KDM4A: variants seen among roughly 807,000 people sequenced by gnomAD.
The protein encoded by KDM4A is lysine demethylase 4A, also known as lysine-specific demethylase 4A.
In KDM4A, 23 loss-of-function variants were observed where a neutral mutation model predicts 127.1. The ratio of observed to expected loss-of-function variants is 0.18; its 90% CI spans 0.13 to 0.26. The LOEUF (loss-of-function observed/expected upper bound fraction) is 0.26. KDM4A is among the 10% of genes least tolerant of loss of function. The pLI, the probability that KDM4A is intolerant of heterozygous loss-of-function variation, is 1.00. For missense variants in KDM4A, 890 were observed against 1,329.1 expected (o/e 0.67, Z 5.14); for synonymous variants, 443 against 466.5 (o/e 0.95, Z 0.65).
chr1:43,675,916 T>C (rs993847815), intron 11 of KDM4A, among the ~76,000 whole-genome samples: 8 of 150,942 alleles, frequency 5.3e-5, no homozygotes, highest in South Asian at 2.1e-4. Context: ...CTACTAAAAA[T>C]AGAAAAATTA....
In KDM4A at chr1:43,651,569, T is replaced by C. The variant is rs556332528; in HGVS notation, c.-40+1317T>C. ...ATTTCTGGTGGATTGGAGGCGCTTT[T>C]CTCCTTTCTGAGCTCTCCAACTCTC... On this transcript the variant is annotated intron_variant, in intron 1 of 21. Coordinates refer to ENST00000372396, the MANE Select transcript of KDM4A (RefSeq NM_014663.3). Among the ~76,000 whole-genome samples, 516 of 152,284 alleles carry C rather than the reference T, an allele frequency of 3.4e-3. 5 individuals carry two copies. The highest frequency in any genetic ancestry group is 0.012 in the African/African-American group (495 of 41,564).
At chr1:43,654,382 G>T (rs983193811) in intron 2 of KDM4A, among the ~76,000 whole-genome samples, 2 of 151,974 alleles carry the variant, frequency 1.3e-5, no homozygotes, top group East Asian at 3.8e-4. Context: ...ATATAAAATA[G>T]TGTTATTTGT....
chr1:43,670,109 C>T (rs1351809751), intron 10 of KDM4A, among the ~76,000 whole-genome samples: 1 of 152,132 alleles, frequency 6.6e-6, no homozygotes, highest in Non-Finnish European at 1.5e-5. Flanking sequence ...TTCATTTGCT[C>T]ACTTGGAAGC....
rs181487236 is a variant in KDM4A at position 43,676,865 on chromosome 1, T to C, written c.1734+4990T>C. Among the ~76,000 whole-genome samples, 71 of 152,312 alleles carry C rather than the reference T, an allele frequency of 4.7e-4. No individual in the cohort carries two copies. In the East Asian group the frequency reaches 0.013, roughly 28 times the overall value. On this transcript the variant is annotated intron_variant, in intron 11 of 21. Coordinates refer to ENST00000372396, the MANE Select transcript of KDM4A (RefSeq NM_014663.3). ...TGCTAGAAACATTCAAATTATTCTATTTTGAAATGTACAATAGATTATTGT... is the reference window on the plus strand; with the variant it reads ...TGCTAGAAACATTCAAATTATTCTACTTTGAAATGTACAATAGATTATTGT...
intron 10 of KDM4A, among the ~76,000 whole-genome samples, chr1:43,669,696 T>G (rs1215360629): frequency 6.6e-6 from 1 of 151,472 alleles, no homozygotes; most frequent in East Asian, 1.9e-4. Context: ...TCATGCAGGC[T>G]GGAGTGCAGG....
chr1:43,685,730 T>A (rs947349769), intron 12 of KDM4A, among the ~76,000 whole-genome samples: 7 of 152,106 alleles, frequency 4.6e-5, no homozygotes, highest in African/African-American at 1.7e-4. Context: ...ACCATGCCAC[T>A]GCACTCCAGC....
chr1:43,658,784 G>T (rs1660306725), intron 3 of KDM4A, among the ~76,000 whole-genome samples: 1 of 152,074 alleles, frequency 6.6e-6, no homozygotes, highest in Non-Finnish European at 1.5e-5. Flanking sequence ...TTACAGGCGT[G>T]AGCCATTGCT....
rs745447679 is a variant in KDM4A at position 43,667,106 on chromosome 1, T to C, written c.915+15T>C. 10 of 1,613,984 alleles carry C rather than the reference T, an allele frequency of 6.2e-6. 1 individual carries two copies. The Middle Eastern group carries it at 6.6e-4, about 106-fold the overall frequency. ...AAGCTGTGCTGGTAAGTCTGCTTGA[T>C]TTCTTTCTATAACACCATGACAAAA... On this transcript the variant is annotated intron_variant, in intron 8 of 21. Coordinates refer to ENST00000372396, the MANE Select transcript of KDM4A (RefSeq NM_014663.3).
intron 1 of KDM4A, among the ~76,000 whole-genome samples, chr1:43,650,863 C>T (rs1660100175): frequency 6.6e-6 from 1 of 152,168 alleles, no homozygotes; most frequent in Non-Finnish European, 1.5e-5. Flanking sequence ...GTTTTGACTT[C>T]GGAGCCGGTG....
chr1:43,690,230 G>A (rs1570865072), intron 13 of KDM4A, among the ~76,000 whole-genome samples: 1 of 152,338 alleles, frequency 6.6e-6, no homozygotes, highest in East Asian at 1.9e-4. Context: ...CCTACTAGGA[G>A]CATCTGCTCT....
rs1660420326 is a variant in KDM4A at position 43,663,057 on chromosome 1, A to G, written c.593A>G (p.Asn198Ser). The G allele has an allele frequency of 1.2e-6, 2 of 1,613,768 alleles. No homozygotes were observed. Among genetic ancestry groups the G allele is most frequent in the East Asian group, 2.2e-5 (1 of 44,894 alleles). ...GAAGACATGGACCTCTACAGCATCA[A>G]CTACCTGCACTTTGGAGAACCAAAG... ...HTEDMDLYSINYLHFGEPKSW... is the reference protein window; with the variant it reads ...HTEDMDLYSISYLHFGEPKSW... Residue 198 changes from asparagine to serine, a missense_variant, in exon 5 of 22, where the codon AAC becomes AGC. Asn to Ser is a conservative substitution (Grantham distance 46). Coordinates refer to ENST00000372396, the MANE Select transcript of KDM4A (RefSeq NM_014663.3).
chr1:43,693,713 C>T lies in KDM4A; in HGVS notation c.2376-281C>T, dbSNP rs907065295. ...CTGAGACCTGCCACACACCATTAGC[C>T]TGCAGCTCTGTTCATTTTTCAACAG... On this transcript the variant is annotated intron_variant, in intron 16 of 21. Transcript: ENST00000372396. This position sits in a 1 kb window ranked among gnomAD's most constrained non-coding sequence, Gnocchi z 4.2. Among the ~76,000 whole-genome samples the T allele has an allele frequency of 6.6e-6, 1 of 152,226 alleles. No homozygotes were observed. Among genetic ancestry groups the T allele is most frequent in the Admixed American group, 6.5e-5 (1 of 15,286 alleles).
At position 43,694,582 on chromosome 1, in the gene KDM4A, G is replaced by A. The variant is rs958686849; in HGVS notation, c.2485-127G>A. On this transcript the variant is annotated intron_variant, in intron 17 of 21. Coordinates refer to ENST00000372396, the MANE Select transcript of KDM4A (RefSeq NM_014663.3). The surrounding 1 kb of genome is among the most constrained non-coding windows in gnomAD (Gnocchi z 5.2). ...AACCAGACCTGGATTAGAGCAGGCT[G>A]GTGTGTCCTTGTATTTTGGGAAGGG... is the stretch of plus-strand genomic sequence containing the variant. 1.4e-5 allele frequency: 10 copies of A among 738,478 alleles called. No homozygotes were observed. The highest frequency in any genetic ancestry group is 2.3e-5 in the Admixed American group (1 of 43,610). 45.7% of individuals were successfully genotyped at this position (738,478 alleles called of 1,614,324 possible). A position where few individuals can be genotyped will look rare whatever the true frequency, so the allele number is the denominator to read the frequency against.
chr1:43,671,120 A>G (rs568086834), intron 10 of KDM4A, among the ~76,000 whole-genome samples: 1 of 152,226 alleles, frequency 6.6e-6, no homozygotes, highest in Non-Finnish European at 1.5e-5. Context: ...CACCCTCTTA[A>G]TATTTTTCAA....
At position 43,655,683 on chromosome 1, in the gene KDM4A, G is replaced by A. The variant is rs1341765535; in HGVS notation, c.231G>A (p.Gly77=). Residue 77 remains glycine (G), a synonymous_variant, in exon 3 of 22, where the codon GGG becomes GGA. Coordinates refer to ENST00000372396, the MANE Select transcript of KDM4A (RefSeq NM_014663.3). ...CCCCCATTCAACAGCTGGTGACGGG[G>A]CAGTCTGGCCTCTTTACTCAGTACA... ...IPAPIQQLVT[G]QSGLFTQYNI... 1 of 1,613,800 alleles carries A rather than the reference G, an allele frequency of 6.2e-7. No homozygotes were observed. Among genetic ancestry groups the A allele is most frequent in the East Asian group, 2.2e-5 (1 of 44,898 alleles).
At chr1:43,695,910 G>A (rs1661229898) in intron 18 of KDM4A, among the ~76,000 whole-genome samples, 1 of 152,158 alleles carries the variant, frequency 6.6e-6, no homozygotes, top group East Asian at 1.9e-4. Context: ...AGATGGGAAG[G>A]ATGCTAATAT....
chr1:43,674,988 C>T (rs925272766), intron 11 of KDM4A, among the ~76,000 whole-genome samples: 1 of 152,130 alleles, frequency 6.6e-6, no homozygotes, highest in South Asian at 2.1e-4. Context: ...GGACTCCTTC[C>T]GTGTGGAAGT....
rs536553689 is a variant in KDM4A at position 43,688,356 on chromosome 1, T to C, written c.1856-558T>C. 3.9e-5 allele frequency among the ~76,000 whole-genome samples: 6 copies of C among 152,168 alleles called. No homozygotes were observed. The highest frequency in any genetic ancestry group is 5.9e-5 in the Non-Finnish European group (4 of 68,002). On this transcript the variant is annotated intron_variant, in intron 12 of 21. Transcript: ENST00000372396. This position sits in a 1 kb window ranked among gnomAD's most constrained non-coding sequence, Gnocchi z 4.4. ...ACATGTAGCTCTGCTCTAGGAGGGG[T>C]TGGGGAGCCTTGTCCAGAATAGGTA...
chr1:43,682,164 T>C (rs972913438), intron 11 of KDM4A, among the ~76,000 whole-genome samples: 5 of 152,284 alleles, frequency 3.3e-5, no homozygotes, highest in Admixed American at 6.5e-5. Context: ...GGTGTTGCCA[T>C]GTTATCTGGG....
Sources: allele counts gnomAD v4.1 joint callset (sites outside exome capture counted in the v4.1 genomes callset), GRCh38; gene constraint gnomAD v4.1.1; non-coding constraint Gnocchi (gnomAD v3.1); transcripts MANE v1.5; gene names NCBI Gene and HGNC (gene_info 2026-07-23, HGNC 2026-07-21).